LDLRAD3: variants seen among roughly 807,000 people sequenced by gnomAD.
LDLRAD3 encodes low-density lipoprotein receptor class A domain-containing protein 3.
In LDLRAD3, 20 loss-of-function variants were observed where a neutral mutation model predicts 29.4. The observed-to-expected ratio is 0.68, with a 90% confidence interval of 0.48 to 0.99. The LOEUF is 0.99. Among genes scored for constraint, LDLRAD3 ranks in the 50% least tolerant of loss-of-function variants. The pLI, the probability that LDLRAD3 is intolerant of heterozygous loss-of-function variation, is 0.00. For missense variants in LDLRAD3, 420 were observed against 454.3 expected, an observed-to-expected ratio of 0.92 and a Z score of 0.69; for synonymous variants, 157 against 192.7, an observed-to-expected ratio of 0.81 and a Z score of 1.53.
At position 36,128,117 on chromosome 11, in the gene LDLRAD3, C is replaced by CATATACATATATATATATATATATATAT. The variant is rs1554966874; in HGVS notation, c.454+29661_454+29662insCATATATATATATATATATATATATATA. Among the ~76,000 whole-genome samples the CATATACATATATATATATATATATATAT allele has an allele frequency of 2.9e-3, 289 of 98,978 alleles. 5 individuals are homozygous for CATATACATATATATATATATATATATAT. The highest frequency in any genetic ancestry group is 5.1e-3 in the Non-Finnish European group (219 of 43,312). The allele number at this position is 98,978 out of a possible 152,430, so 64.9% of individuals were successfully genotyped here. A position where few individuals can be genotyped will look rare whatever the true frequency, so the allele number is the denominator to read the frequency against. ...CGTATTGATGGCAGAGTTGTTTTTA[C>CATATACATATATATATATATATATATAT]ATATATATATATATATATGTATATG... On this transcript the variant is annotated intron_variant, in intron 4 of 5. Coordinates refer to ENST00000315571, the MANE Select transcript of LDLRAD3 (RefSeq NM_174902.4).
chr11:35,997,887 C>G (rs1851775135), intron 1 of LDLRAD3, among the ~76,000 whole-genome samples: 1 of 152,216 alleles, frequency 6.6e-6, no homozygotes, highest in African/African-American at 2.4e-5. Flanking sequence ...CTGTCGGACT[C>G]TGGCCTCCTG....
At chr11:36,016,075 A>G (rs1275417150) in intron 1 of LDLRAD3, among the ~76,000 whole-genome samples, 2 of 152,236 alleles carry the variant, frequency 1.3e-5, no homozygotes, top group Non-Finnish European at 2.9e-5. Flanking sequence ...AATGACGTTT[A>G]CATCCCTTAA....
intron 1 of LDLRAD3, among the ~76,000 whole-genome samples, chr11:35,971,955 T>C (rs553704348): frequency 6.6e-6 from 1 of 152,228 alleles, no homozygotes; most frequent in South Asian, 2.1e-4. Flanking sequence ...GGTGGCTCCA[T>C]TCACTGGTTT....
chr11:36,061,810 CTCTT>C (rs1295502169), intron 2 of LDLRAD3, among the ~76,000 whole-genome samples: 1 of 152,118 alleles, frequency 6.6e-6, no homozygotes, highest in African/African-American at 2.4e-5. Flanking sequence ...TGGTAAGTCT[CTCTT>C]TAGCTAGATT....
chr11:36,191,550 C>CTCTCTCTCTT (rs1421704173), intron 4 of LDLRAD3, among the ~76,000 whole-genome samples: 64 of 59,812 alleles, frequency 1.1e-3, no homozygotes, highest in African/African-American at 4.7e-3. Context: ...CTCTCTCTCT[C>CTCTCTCTCTT]TCTCTCTCTC....
chr11:36,118,568 C>A, intron 4 of LDLRAD3, among the ~76,000 whole-genome samples: 1 of 151,632 alleles, frequency 6.6e-6, no homozygotes, highest in Non-Finnish European at 1.5e-5. Context: ...TCATTTTCTG[C>A]CAAGTAGAAG....
At chr11:36,177,160 A>G (rs1215861825) in intron 4 of LDLRAD3, among the ~76,000 whole-genome samples, 1 of 152,102 alleles carries the variant, frequency 6.6e-6, no homozygotes, top group Non-Finnish European at 1.5e-5. Flanking sequence ...TATTTCCAGA[A>G]GTTGTAATTG....
At chr11:36,060,323 C>CA (rs1852679378) in intron 2 of LDLRAD3, among the ~76,000 whole-genome samples, 2 of 143,814 alleles carry the variant, frequency 1.4e-5, no homozygotes, top group African/African-American at 5.3e-5. Flanking sequence ...CACTGCACTC[C>CA]AGCCTGGGCG....
intron 4 of LDLRAD3, chr11:36,197,774 A>G (rs79051294): frequency 0.014 from 2,174 of 152,296 alleles, 22 homozygotes; most frequent in Non-Finnish European, 0.019. Flanking sequence ...TAGACCAGGT[A>G]TAGTGGCTCA....
intron 1 of LDLRAD3, among the ~76,000 whole-genome samples, chr11:35,980,691 C>T (rs1326762604): frequency 6.6e-6 from 1 of 152,102 alleles, no homozygotes; most frequent in Non-Finnish European, 1.5e-5. Flanking sequence ...ATTCTCCCCG[C>T]TAGCCAGATG....
intron 2 of LDLRAD3, among the ~76,000 whole-genome samples, chr11:36,074,871 T>A (rs1852970395): frequency 6.6e-6 from 1 of 152,164 alleles, no homozygotes; most frequent in African/African-American, 2.4e-5. Context: ...TACTGTAGAC[T>A]TTCCCAGCAG....
intron 2 of LDLRAD3, among the ~76,000 whole-genome samples, chr11:36,036,912 T>G (rs947369083): frequency 1.3e-5 from 2 of 152,058 alleles, no homozygotes; most frequent in African/African-American, 4.8e-5. Flanking sequence ...GAAACATGCA[T>G]GAGATTTGGG....
chr11:36,231,234 T>C lies in LDLRAD3; in HGVS notation c.*1837T>C, dbSNP rs937462870. On this transcript the variant is annotated 3_prime_UTR_variant, in exon 6 of 6. Transcript: ENST00000315571. ...TGTTCTGTAGACTTTTCTTTCTTTT[T>C]TTAACCAAATCCAAAGGATGTTACA... 2.0e-5 allele frequency: 3 copies of C among 152,254 alleles called. No individual in the cohort carries two copies. The highest frequency in any genetic ancestry group is 6.5e-5 in the Admixed American group (1 of 15,272). The allele number at this position is 152,254 out of a possible 1,614,324, so 9.4% of individuals were successfully genotyped here.
intron 4 of LDLRAD3, among the ~76,000 whole-genome samples, chr11:36,188,363 A>G (rs972980650): frequency 2.3e-5 from 3 of 130,368 alleles, no homozygotes; most frequent in African/African-American, 8.5e-5. Flanking sequence ...AAAGGAGAGG[A>G]AAACCAGCAA....
chr11:36,198,778 CTG>C (rs1232746435), intron 4 of LDLRAD3, among the ~76,000 whole-genome samples: 1 of 152,214 alleles, frequency 6.6e-6, no homozygotes, highest in Non-Finnish European at 1.5e-5. Flanking sequence ...GGCTTTATGG[CTG>C]TGTCTGAACA....
chr11:36,036,076 G>A (rs262451), intron 1 of LDLRAD3, 27 bp from the exon 2 acceptor site: 872,656 of 1,606,820 alleles, frequency 0.54, 243,686 homozygotes, highest in Admixed American at 0.64. Context: ...TTGCTGTGCC[G>A]TCTGACCTGT....
chr11:36,158,598 A>G (rs1854389734), intron 4 of LDLRAD3, among the ~76,000 whole-genome samples: 1 of 135,610 alleles, frequency 7.4e-6, no homozygotes, highest in African/African-American at 2.7e-5. Flanking sequence ...TTTTTATTAT[A>G]TCTACTCTCT....
intron 1 of LDLRAD3, among the ~76,000 whole-genome samples, chr11:36,014,815 CT>C (rs1486436800): frequency 1.3e-5 from 2 of 152,296 alleles, no homozygotes; most frequent in East Asian, 3.9e-4. Flanking sequence ...TGGCTTTTCT[CT>C]CTGTATAGCT....
chr11:36,069,359 C>A (rs1852854839), intron 2 of LDLRAD3, among the ~76,000 whole-genome samples: 2 of 152,136 alleles, frequency 1.3e-5, no homozygotes, highest in African/African-American at 4.8e-5. Context: ...AAGTCATTTT[C>A]AAAGGAACCA....
Sources: gnomAD v4.1 joint callset for allele counts (sites outside exome capture counted in the v4.1 genomes callset) on GRCh38, gnomAD v4.1.1 for gene constraint, MANE v1.5 for transcripts, NCBI Gene and HGNC (gene_info 2026-07-23, HGNC 2026-07-21) for gene names.